Variants in MPZL2 observed in about 807,000 individuals in gnomAD.
The protein encoded by MPZL2 is myelin protein zero-like protein 2.
MPZL2 carries 32 observed loss-of-function variants against 24.5 expected under a neutral mutation model. The observed-to-expected ratio is 1.31, with a 90% CI of 0.99 to 1.76. The LOEUF (loss-of-function observed/expected upper bound fraction) is 1.76. Ranked by LOEUF, MPZL2 falls within the 40% of genes most tolerant of loss-of-function variation. The pLI is 0.00. For synonymous variants in MPZL2, 92 were observed against 97.9 expected (o/e 0.94, Z 0.36); for missense variants, 304 against 274.9 (o/e 1.11, Z -0.75).
intron 4 of MPZL2, chr11:118,257,701 T>C (rs1221083651): frequency 6.4e-6 from 1 of 156,974 alleles, no homozygotes; most frequent in African/African-American, 2.4e-5. Context: ...GAGTTGGGTT[T>C]GTTAGGCTTC....
intron 4 of MPZL2, among the ~76,000 whole-genome samples, chr11:118,258,226 G>C (rs1365049256): frequency 6.6e-6 from 1 of 152,108 alleles, no homozygotes; most frequent in African/African-American, 2.4e-5. Context: ...TGGGGATTAG[G>C]CAGTGGTTTT....
rs1165707013 is a variant in MPZL2, at chr11:118,257,310, T to C, written c.588A>G (p.Lys196=). 1 of 1,611,314 alleles carries C rather than the reference T, an allele frequency of 6.2e-7. No individual in the cohort carries two copies. Among genetic ancestry groups the C allele is most frequent in the Non-Finnish European group, 8.5e-7 (1 of 1,178,620 alleles). ...RAHKVVEIKS[K]EEERLNQEKK... ...TCTCTTGGTTGAGCCTTTCCTCTTC[T>C]TTTCTGTAACAAGCAGAAACCAAAT... The change falls in exon 5 of 6, where the codon AAA becomes AAG. Residue 196 remains lysine, a synonymous_variant. Coordinates refer to ENST00000278937, the MANE Select transcript of MPZL2 (RefSeq NM_005797.4).
chr11:118,257,336 G>A (rs769734127), intron 4 of MPZL2, 23 bp from the exon 5 acceptor site: 17 of 1,597,304 alleles, frequency 1.1e-5, no homozygotes, highest in Non-Finnish European at 1.5e-5. Flanking sequence ...GAAACCAAAT[G>A]TCAGGTGAAC....
Position 118,255,240 on chromosome 11 carries a change from CACAAA to C in MPZL2, c.*13-12_*13-8del, listed in dbSNP as rs1476346155. 6.6e-6 allele frequency: 1 copy of C among 152,004 alleles called. No homozygotes were observed. The highest frequency in any genetic ancestry group is 1.5e-5 in the Non-Finnish European group (1 of 67,992). 9.4% of individuals were successfully genotyped at this position (152,004 alleles called of 1,614,324 possible). On this transcript the variant is annotated splice_region_variant and splice_polypyrimidine_tract_variant and intron_variant, in intron 5 of 5. Transcript: ENST00000278937. ...TGGAAATCATCTCAGCTTCCTAAAA[CACAAA>C]ACAAAAGTTTAAATGGATAATATAT...
chr11:118,262,777 C>T, intron 2 of MPZL2, 129 bp from the exon 3 acceptor site: 2 of 1,342,494 alleles, frequency 1.5e-6, no homozygotes, highest in Non-Finnish European at 1.0e-6. Context: ...TTGCTTTCCC[C>T]TTCAACGGCC....
rs573344648 is a variant in MPZL2 at position 118,259,057 on chromosome 11, C to A, written c.584+997G>T. On this transcript the variant is annotated intron_variant, in intron 4 of 5. Transcript: ENST00000278937. ...AGTGTTGAGGAGGATGGGGAGAAAT[C>A]AGAACCCTCATATATTGCTGACAGG... Among the ~76,000 whole-genome samples, 16 of 148,402 alleles carry A rather than the reference C, an allele frequency of 1.1e-4. No individual in the cohort carries two copies. In the East Asian group the frequency reaches 1.2e-3, roughly 11 times the overall value.
In MPZL2 at chr11:118,260,101, C is replaced by T; in HGVS notation, c.537G>A (p.Arg179=). 3 of 1,614,050 alleles carry T rather than the reference C, an allele frequency of 1.9e-6. No individual in the cohort carries two copies. Among genetic ancestry groups the T allele is most frequent in the Non-Finnish European group, 2.5e-6 (3 of 1,179,960 alleles). The change falls in exon 4 of 6, where the codon CGG becomes CGA. Residue 179 remains arginine (R), a synonymous_variant. Coordinates refer to ENST00000278937, the MANE Select transcript of MPZL2 (RefSeq NM_005797.4). Reference sequence around the variant, plus strand: ...GAGCTCTTTCGGCCCATCGCTTTTTCCGGTAATGCTGGAAGAGGACCACTA... The same window carrying T: ...GAGCTCTTTCGGCCCATCGCTTTTTTCGGTAATGCTGGAAGAGGACCACTA... The part of the protein sequence containing the change: ...VIVVVLFQHY[R]KKRWAERAHK...
chr11:118,262,671 G>A, intron 2 of MPZL2, 23 bp from the exon 3 acceptor site: 1 of 1,608,462 alleles, frequency 6.2e-7, no homozygotes, highest in East Asian at 2.2e-5. Context: ...AATGGCAAAA[G>A]GTCTTCTTAC....
rs770336371 is a variant in MPZL2, at chr11:118,262,435, T to C, written c.436+3A>G. 1.2e-6 allele frequency: 2 copies of C among 1,613,478 alleles called. No individual in the cohort carries two copies. Among genetic ancestry groups the C allele is most frequent in the South Asian group, 2.2e-5 (2 of 91,042 alleles). ...CAAAACCACTGTTCCCTGCATAACC[T>C]ACCAGTGTGCACGACGCTGAGCCGG... On this transcript the variant is annotated splice_donor_region_variant and intron_variant, in intron 3 of 5. Coordinates refer to ENST00000278937, the MANE Select transcript of MPZL2 (RefSeq NM_005797.4).
At chr11:118,260,667 A>T (rs953575498) in intron 3 of MPZL2, among the ~76,000 whole-genome samples, 1 of 152,150 alleles carries the variant, frequency 6.6e-6, no homozygotes, top group South Asian at 2.1e-4. Context: ...ATTTATTCAG[A>T]TTTATTAAGG....
At chr11:118,259,906 C>T (rs1034003526) in intron 4 of MPZL2, 148 bp downstream of exon 4, 1 of 868,562 alleles carries the variant, frequency 1.2e-6, no homozygotes, top group Non-Finnish European at 1.7e-6. Flanking sequence ...TAGTTCATAC[C>T]TGATTTATCT....
intron 3 of MPZL2, 46 bp from the exon 4 acceptor site, chr11:118,260,247 C>G: frequency 6.3e-7 from 1 of 1,587,528 alleles, no homozygotes; most frequent in South Asian, 1.1e-5. Context: ...AAGAAGAGGA[C>G]TACAATGAAA....
chr11:118,255,688 T>C (rs1949655681), intron 5 of MPZL2, among the ~76,000 whole-genome samples: 1 of 135,558 alleles, frequency 7.4e-6, no homozygotes, highest in East Asian at 2.1e-4. Context: ...CCTATGCTTT[T>C]AAAGTAAATT....
In MPZL2 at chr11:118,262,552, T is replaced by C; in HGVS notation, c.322A>G (p.Ile108Val). 6.2e-7 allele frequency: 1 copy of C among 1,614,172 alleles called. No homozygotes were observed. The highest frequency in any genetic ancestry group is 8.5e-7 in the Non-Finnish European group (1 of 1,180,022). ...TCGAACTGCAGTTTCCAGAGAAGGATGGAGGCATCGTACCGCTCAGGATTC... is the reference window on the plus strand; with the variant it reads ...TCGAACTGCAGTTTCCAGAGAAGGACGGAGGCATCGTACCGCTCAGGATTC... ...DGNPERYDASILLWKLQFDDN... is the reference protein window; with the variant it reads ...DGNPERYDASVLLWKLQFDDN... Residue 108 changes from isoleucine to valine, a missense_variant, in exon 3 of 6, where the codon ATC becomes GTC. Ile to Val is a conservative substitution (Grantham distance 29). Transcript: ENST00000278937.
rs780281559 is a variant in MPZL2, at chr11:118,253,608, C to G, written c.*1638G>C. 2.0e-5 allele frequency: 3 copies of G among 152,128 alleles called. No individual in the cohort carries two copies. The highest frequency in any genetic ancestry group is 4.8e-5 in the African/African-American group (2 of 41,436). The allele number at this position is 152,128 out of a possible 1,614,324, so 9.4% of individuals were successfully genotyped here. A position where few individuals can be genotyped will look rare whatever the true frequency, so the allele number is the denominator to read the frequency against. On this transcript the variant is annotated 3_prime_UTR_variant, in exon 6 of 6. Coordinates refer to ENST00000278937, the MANE Select transcript of MPZL2 (RefSeq NM_005797.4). Reference sequence around the variant, plus strand: ...GGAAAAACTGTCCATACATTTTTAACTACTTCTTCATTATTCTTATGGACC... The same window carrying G: ...GGAAAAACTGTCCATACATTTTTAAGTACTTCTTCATTATTCTTATGGACC...
chr11:118,260,071 T>A lies in MPZL2; in HGVS notation c.567A>T (p.Lys189Asn). 1.2e-6 allele frequency: 2 copies of A among 1,614,006 alleles called. No homozygotes were observed. Among genetic ancestry groups the A allele is most frequent in the Non-Finnish European group, 1.7e-6 (2 of 1,179,904 alleles). The change falls in exon 4 of 6, where the codon AAA (lysine) becomes AAT (asparagine). Residue 189 changes from lysine to asparagine, a missense_variant. By Grantham distance (94) the Lys-to-Asn change is moderately conservative. Transcript: ENST00000278937. ...RKKRWAERAH[K>N]VVEIKSKEEE... ...AGCCTTACGATTTTATCTCCACCAC[T>A]TTATGAGCTCTTTCGGCCCATCGCT... is the stretch of plus-strand genomic sequence containing the variant.
rs1325354403 is a variant in MPZL2 at position 118,253,842 on chromosome 11, C to T, written c.*1404G>A. 3 of 152,462 alleles carry T rather than the reference C, an allele frequency of 2.0e-5. No homozygotes were observed. Among genetic ancestry groups the T allele is most frequent in the African/African-American group, 7.2e-5 (3 of 41,412 alleles). 9.4% of individuals were successfully genotyped at this position (152,462 alleles called of 1,614,324 possible). On this transcript the variant is annotated 3_prime_UTR_variant, in exon 6 of 6. Coordinates refer to ENST00000278937, the MANE Select transcript of MPZL2 (RefSeq NM_005797.4). ...TGTAATGAATTTCAGAACTGAGGTT[C>T]ATATGTAAATCATACAATTTTTTAA...
Position 118,264,053 on chromosome 11 carries a change from G to A in MPZL2, c.58+43C>T, listed in dbSNP as rs371833062. The A allele has an allele frequency of 1.3e-5, 21 of 1,570,540 alleles. No individual in the cohort carries two copies. The African/African-American group carries it at 2.7e-4, about 20-fold the overall frequency. On this transcript the variant is annotated intron_variant, in intron 1 of 5. Transcript: ENST00000278937. ...ACAATTAGCTAACTTTATAGAGTGA[G>A]CAGTGAAGGAGGAAACTCTGAGAGA...
intron 2 of MPZL2, 99 bp downstream of exon 2, chr11:118,262,832 C>T: frequency 6.8e-7 from 1 of 1,470,528 alleles, no homozygotes; most frequent in Non-Finnish European, 9.3e-7. Flanking sequence ...TAACCTTGTG[C>T]TTGCTGCTAA....
Sources: allele counts gnomAD v4.1 joint callset (sites outside exome capture counted in the v4.1 genomes callset), GRCh38; gene constraint gnomAD v4.1.1; transcripts MANE v1.5; gene names NCBI Gene and HGNC (gene_info 2026-07-23, HGNC 2026-07-21).